The following CNTN5 variants were observed in gnomAD, a reference collection of about 807,000 sequenced individuals.
The protein encoded by CNTN5 is contactin-5.
Under a neutral mutation model 129.1 loss-of-function variants are expected in CNTN5, and 77 were observed. The observed-to-expected ratio is 0.60, with a 90% confidence interval of 0.50 to 0.72. The LOEUF is 0.72. CNTN5 is among the 30% of genes least tolerant of loss of function. The pLI is 0.00. For synonymous variants in CNTN5, 509 were observed against 465.6 expected, an observed-to-expected ratio of 1.09 and a Z score of -1.20; for missense variants, 1,478 against 1,328.8, an observed-to-expected ratio of 1.11 and a Z score of -1.75.
At chr11:100,029,539 C>A (rs1047561713) in intron 9 of CNTN5, among the ~76,000 whole-genome samples, 2 of 151,812 alleles carry the variant, frequency 1.3e-5, no homozygotes, top group Non-Finnish European at 2.9e-5. Context: ...GCCGAGATGG[C>A]GCCACTGAAC....
At chr11:99,446,824 A>G (rs781042112) in intron 2 of CNTN5, among the ~76,000 whole-genome samples, 1 of 152,170 alleles carries the variant, frequency 6.6e-6, no homozygotes, top group Non-Finnish European at 1.5e-5. Context: ...CCTCCTCATA[A>G]GGTTGAATGG....
At chr11:99,286,041 A>G (rs200468192) in intron 1 of CNTN5, among the ~76,000 whole-genome samples, 338 of 29,054 alleles carry the variant, frequency 0.012, 3 homozygotes, top group East Asian at 0.027. Context: ...CCATCTGGAG[A>G]AAAAAAAAAA....
At chr11:99,909,301 T>C (rs1484596042) in intron 6 of CNTN5, among the ~76,000 whole-genome samples, 1 of 152,168 alleles carries the variant, frequency 6.6e-6, no homozygotes, top group Admixed American at 6.6e-5. Flanking sequence ...CATTAAAAAA[T>C]CAGGAAACAA....
intron 13 of CNTN5, among the ~76,000 whole-genome samples, chr11:100,153,786 A>ACC (rs1444986262): frequency 6.6e-6 from 1 of 152,060 alleles, no homozygotes; most frequent in African/African-American, 2.4e-5. Flanking sequence ...TAATTTGATG[A>ACC]CCGTATATAA....
At chr11:100,224,465 AATC>A (rs1268626615) in intron 15 of CNTN5, among the ~76,000 whole-genome samples, 2 of 152,138 alleles carry the variant, frequency 1.3e-5, no homozygotes, top group Non-Finnish European at 2.9e-5. Flanking sequence ...TTAGCTGCTA[AATC>A]ATTATATGCA....
chr11:99,995,991 T>A (rs1455927807), intron 8 of CNTN5, among the ~76,000 whole-genome samples: 1 of 152,196 alleles, frequency 6.6e-6, no homozygotes, highest in African/African-American at 2.4e-5. Flanking sequence ...TCAGATACTT[T>A]CTTCTGAATA....
chr11:100,117,961 T>A (rs1005616511), intron 13 of CNTN5, among the ~76,000 whole-genome samples: 2 of 151,834 alleles, frequency 1.3e-5, no homozygotes, highest in African/African-American at 2.4e-5. Flanking sequence ...ATTTGGCCTG[T>A]GTAGCAGATT....
At chr11:99,053,727 G>A (rs1026211217) in intron 1 of CNTN5, among the ~76,000 whole-genome samples, 1 of 151,924 alleles carries the variant, frequency 6.6e-6, no homozygotes, top group Non-Finnish European at 1.5e-5. Context: ...AGGTAATAGA[G>A]GATGATATAA....
At chr11:99,514,395 A>G (rs1946963607) in intron 2 of CNTN5, among the ~76,000 whole-genome samples, 1 of 152,152 alleles carries the variant, frequency 6.6e-6, no homozygotes, top group Admixed American at 6.6e-5. Context: ...ATTGACTTCA[A>G]TTCTGAAAGA....
At chr11:99,970,856 T>C (rs1951231061) in intron 8 of CNTN5, among the ~76,000 whole-genome samples, 4 of 152,156 alleles carry the variant, frequency 2.6e-5, no homozygotes, top group Non-Finnish European at 5.9e-5. Context: ...TTATAGTCCA[T>C]TACTTGCCTT....
At chr11:100,160,105 T>C (rs1947394155) in intron 13 of CNTN5, among the ~76,000 whole-genome samples, 1 of 151,914 alleles carries the variant, frequency 6.6e-6, no homozygotes, top group Non-Finnish European at 1.5e-5. Context: ...TAGTATGTGA[T>C]GTTCCCCTCT....
chr11:99,292,089 G>A (rs2135922158), intron 1 of CNTN5, among the ~76,000 whole-genome samples: 1 of 151,916 alleles, frequency 6.6e-6, no homozygotes, highest in African/African-American at 2.4e-5. Flanking sequence ...TTAAATGATT[G>A]GTAGAAACAG....
At chr11:99,875,780 A>G (rs747556357) in intron 6 of CNTN5, among the ~76,000 whole-genome samples, 7 of 152,192 alleles carry the variant, frequency 4.6e-5, no homozygotes, top group Non-Finnish European at 1.0e-4. Context: ...AATAGACAAT[A>G]CACATTTGCA....
intron 4 of CNTN5, among the ~76,000 whole-genome samples, chr11:99,841,567 A>G (rs967346710): frequency 3.3e-5 from 5 of 151,676 alleles, no homozygotes; most frequent in African/African-American, 1.2e-4. Context: ...CATAAGTATA[A>G]TAAGAGTGAG....
intron 2 of CNTN5, among the ~76,000 whole-genome samples, chr11:99,382,232 T>G (rs111451951): frequency 0.021 from 3,188 of 152,184 alleles, 46 homozygotes; most frequent in Non-Finnish European, 0.034. Flanking sequence ...AGTTGTACCC[T>G]AGAGGAAGCA....
In CNTN5 at chr11:99,037,581, T is replaced by TTC. The variant is rs1555024006; in HGVS notation, c.-210+16312_-210+16313insCT. Among the ~76,000 whole-genome samples the TTC allele has an allele frequency of 2.6e-3, 331 of 125,932 alleles. 1 individual carries two copies. Among genetic ancestry groups the TTC allele is most frequent in the African/African-American group, 9.8e-3 (314 of 31,944 alleles). The allele number at this position is 125,932 out of a possible 152,430, so 82.6% of individuals were successfully genotyped here. On this transcript the variant is annotated intron_variant, in intron 1 of 24. Transcript: ENST00000524871. ...TTTTCCTTCTTTTTTCTTTTCTTTTTTTTTTTTTTTTTTTTTTAACATGGA... is the reference window on the plus strand; with the variant it reads ...TTTTCCTTCTTTTTTCTTTTCTTTTTTCTTTTTTTTTTTTTTTTTAACATGGA...
chr11:100,309,072 T>C, intron 21 of CNTN5: 2 of 985,144 alleles, frequency 2.0e-6, no homozygotes, highest in Non-Finnish European at 2.4e-6. Context: ...ATGAATATTT[T>C]ATGATAACAA....
Position 99,404,001 on chromosome 11 carries a change from C to T in CNTN5, c.-71+78517C>T, listed in dbSNP as rs563332884. ...TATTGGAGTCTATCTCTGTATTTAGCTCTAAAAATATTGGCTTTATATACC... is the reference window on the plus strand; with the variant it reads ...TATTGGAGTCTATCTCTGTATTTAGTTCTAAAAATATTGGCTTTATATACC... On this transcript the variant is annotated intron_variant, in intron 2 of 24. Transcript: ENST00000524871. Among the ~76,000 whole-genome samples, 33 of 152,192 alleles carry T rather than the reference C, an allele frequency of 2.2e-4. No homozygotes were observed. In the South Asian group the frequency reaches 6.6e-3, roughly 31 times the overall value.
intron 1 of CNTN5, among the ~76,000 whole-genome samples, chr11:99,243,453 C>T (rs1404857055): frequency 6.6e-6 from 1 of 152,036 alleles, no homozygotes; most frequent in Middle Eastern, 3.4e-3. Context: ...GCAGAAGAAG[C>T]TCTTTGTTTT....
Sources: allele counts gnomAD v4.1 joint callset (sites outside exome capture counted in the v4.1 genomes callset), GRCh38; gene constraint gnomAD v4.1.1; transcripts MANE v1.5; gene names NCBI Gene and HGNC (gene_info 2026-07-23, HGNC 2026-07-21).